Variants in GPHN observed in about 807,000 individuals in gnomAD.
GPHN encodes gephyrin.
In GPHN, 17 loss-of-function variants were observed where a neutral mutation model predicts 95.5. That is an observed-to-expected ratio of 0.18 (90% CI 0.12 to 0.27). The LOEUF is 0.27. GPHN is among the 10% of genes least tolerant of loss of function. The probability of loss-of-function intolerance (pLI) is 1.00; values close to 1 mark genes in which losing one functional copy is unlikely to be tolerated. For synonymous variants in GPHN, 320 were observed against 322.5 expected (o/e 0.99, Z 0.08); for missense variants, 660 against 978.1 (o/e 0.67, Z 4.34).
intron 1 of GPHN, among the ~76,000 whole-genome samples, chr14:66,559,742 A>C (rs1330146239): frequency 6.6e-6 from 1 of 151,470 alleles, no homozygotes; most frequent in East Asian, 1.9e-4. Flanking sequence ...TCTTTAGTTT[A>C]ATTAGATCCC....
chr14:66,688,106 A>G (rs1261824999), intron 2 of GPHN, among the ~76,000 whole-genome samples: 2 of 152,234 alleles, frequency 1.3e-5, no homozygotes, highest in South Asian at 4.1e-4. Flanking sequence ...TACATACTGT[A>G]TTCTTGAAAT....
In GPHN at chr14:66,924,235, C is replaced by T. The variant is rs561779418; in HGVS notation, c.771C>T (p.His257=). Residue 257 remains histidine, a synonymous_variant, in exon 8 of 23, where the codon CAC becomes CAT. Transcript: ENST00000478722. The part of the protein sequence containing the change: ...FYTSPAVVMA[H]GEQPIPGLIN... ...CCAGTCCTGCTGTTGTCATGGCACA[C>T]GGTGAACAGCCCATCCCTGGTCTCA... 53 of 1,610,852 alleles carry T rather than the reference C, an allele frequency of 3.3e-5. No homozygotes were observed. Among genetic ancestry groups the T allele is most frequent in the African/African-American group, 4.0e-5 (3 of 74,996 alleles).
intron 3 of GPHN, among the ~76,000 whole-genome samples, chr14:66,794,112 T>C (rs2060073242): frequency 6.6e-6 from 1 of 152,150 alleles, no homozygotes; most frequent in Non-Finnish European, 1.5e-5. Context: ...TATGCTGATA[T>C]AGTCTGGATC....
chr14:67,060,673 G>A lies in GPHN; in HGVS notation c.1144+1887G>A, dbSNP rs2075789608. On this transcript the variant is annotated intron_variant, in intron 11 of 22. Transcript: ENST00000478722. ...GTGCAGAAGAGATGGGTAAATTAATGTGGTACTTGTCTCCTTTAATTGGCT... is the reference window on the plus strand; with the variant it reads ...GTGCAGAAGAGATGGGTAAATTAATATGGTACTTGTCTCCTTTAATTGGCT... Among the ~76,000 whole-genome samples, 4 of 152,230 alleles carry A rather than the reference G, an allele frequency of 2.6e-5. No individual in the cohort carries two copies. The South Asian group carries it at 8.3e-4, about 32-fold the overall frequency.
chr14:67,034,502 T>C lies in GPHN; in HGVS notation c.1006+10827T>C, dbSNP rs982072407. Among the ~76,000 whole-genome samples, 4 of 152,122 alleles carry C rather than the reference T, an allele frequency of 2.6e-5. No individual in the cohort carries two copies. The South Asian group carries it at 8.3e-4, about 32-fold the overall frequency. On this transcript the variant is annotated intron_variant, in intron 10 of 22. Coordinates refer to ENST00000478722, the MANE Select transcript of GPHN (RefSeq NM_020806.5). Reference sequence around the variant, plus strand: ...CCAGTAAAAAGACAAAGTGAATTAATGGATTAAAGAAACAAGATGCAATTA... The same window carrying C: ...CCAGTAAAAAGACAAAGTGAATTAACGGATTAAAGAAACAAGATGCAATTA...
the GPHN span, among the ~76,000 whole-genome samples, chr14:67,432,111 G>T: frequency 6.6e-6 from 1 of 152,178 alleles, no homozygotes; most frequent in African/African-American, 2.4e-5. Flanking sequence ...GGTAACATCT[G>T]CCCAGTGCTT....
the GPHN span, among the ~76,000 whole-genome samples, chr14:67,480,355 A>G: frequency 6.6e-6 from 1 of 152,166 alleles, no homozygotes; most frequent in Non-Finnish European, 1.5e-5. Context: ...CCTCAGGAGA[A>G]CAAAACTCCC....
At chr14:66,703,519 G>A (rs899637149) in intron 2 of GPHN, among the ~76,000 whole-genome samples, 1 of 151,898 alleles carries the variant, frequency 6.6e-6, no homozygotes, top group African/African-American at 2.4e-5. Context: ...AATTTTAAAC[G>A]CAGAATTTCA....
intron 1 of GPHN, among the ~76,000 whole-genome samples, chr14:66,541,126 T>C (rs2059339839): frequency 6.6e-6 from 1 of 152,132 alleles, no homozygotes; most frequent in African/African-American, 2.4e-5. Flanking sequence ...TTTTGTAATT[T>C]TAATAGATAC....
intron 2 of GPHN, among the ~76,000 whole-genome samples, chr14:66,742,073 C>T (rs900131522): frequency 1.3e-5 from 2 of 152,178 alleles, no homozygotes; most frequent in Non-Finnish European, 1.5e-5. Context: ...TCTTCCTTGA[C>T]ACCATCTCCC....
the GPHN span, among the ~76,000 whole-genome samples, chr14:67,419,935 T>A: frequency 6.6e-6 from 1 of 151,962 alleles, no homozygotes; most frequent in Non-Finnish European, 1.5e-5. Flanking sequence ...TTCTATTCCA[T>A]GGAAAAGTAG....
chr14:67,049,057 G>A (rs1030705705), intron 10 of GPHN, among the ~76,000 whole-genome samples: 2 of 152,110 alleles, frequency 1.3e-5, no homozygotes, highest in African/African-American at 4.8e-5. Flanking sequence ...ATGGGCTACC[G>A]GCTGCTAGGT....
chr14:67,095,527 G>C (rs374962847), intron 12 of GPHN, among the ~76,000 whole-genome samples: 1,876 of 152,138 alleles, frequency 0.012, 19 homozygotes, highest in Non-Finnish European at 0.018. Context: ...TTGGAACCAA[G>C]CCAAATGTCC....
intron 2 of GPHN, among the ~76,000 whole-genome samples, chr14:66,761,659 C>CTTTTT (rs753179169): frequency 1.5e-5 from 2 of 135,636 alleles, no homozygotes; most frequent in Non-Finnish European, 3.3e-5. Context: ...ATACTCAGTT[C>CTTTTT]TTTTTTTTTT....
At chr14:67,643,852 T>TAAAAAAAA in the GPHN span, among the ~76,000 whole-genome samples, 1 of 81,216 alleles carries the variant, frequency 1.2e-5, no homozygotes, top group Non-Finnish European at 2.6e-5. Flanking sequence ...TCCTTGGGAG[T>TAAAAAAAA]AAAAAAAAAA....
At chr14:67,578,163 C>T in the GPHN span, 5 of 1,613,814 alleles carry the variant, frequency 3.1e-6, no homozygotes, top group African/African-American at 4.0e-5. This position sits in a 1 kb window ranked among gnomAD's most constrained non-coding sequence, Gnocchi z 5.0. Context: ...TGAAGCAGAC[C>T]AGCTGCCGCC....
At chr14:66,725,359 C>T (rs998331904) in intron 2 of GPHN, among the ~76,000 whole-genome samples, 1 of 152,144 alleles carries the variant, frequency 6.6e-6, no homozygotes, top group African/African-American at 2.4e-5. Context: ...TTATTTAGTT[C>T]TAATCTTTTT....
At chr14:67,392,657 C>T in the GPHN span, 2 of 1,607,258 alleles carry the variant, frequency 1.2e-6, no homozygotes, top group Non-Finnish European at 1.7e-6. Flanking sequence ...CACTCCCCAA[C>T]TTACAAAAGT....
At chr14:66,517,784 A>G (rs2058308532) in intron 1 of GPHN, among the ~76,000 whole-genome samples, 1 of 152,106 alleles carries the variant, frequency 6.6e-6, no homozygotes, top group African/African-American at 2.4e-5. Flanking sequence ...CTGTACAAAA[A>G]TTAACTCAAA....
Sources: gnomAD v4.1 joint callset for allele counts (sites outside exome capture counted in the v4.1 genomes callset) on GRCh38, gnomAD v4.1.1 for gene constraint, Gnocchi (gnomAD v3.1) non-coding constraint, MANE v1.5 for transcripts, NCBI Gene and HGNC (gene_info 2026-07-23, HGNC 2026-07-21) for gene names.